THRB: variants seen among roughly 807,000 people sequenced by gnomAD.
THRB encodes the protein nuclear receptor subfamily 1 group A member 2.
THRB carries 12 observed loss-of-function variants against 47.8 expected under a neutral mutation model. The ratio of observed to expected loss-of-function variants is 0.25; its 90% confidence interval spans 0.16 to 0.41. The LOEUF (loss-of-function observed/expected upper bound fraction) is 0.41. Ranked by LOEUF, THRB falls within the 10% of genes least tolerant of loss-of-function variation. The probability of loss-of-function intolerance (pLI) is 1.00; values close to 1 mark genes in which losing one functional copy is unlikely to be tolerated. For synonymous variants in THRB, 218 were observed against 212.2 expected (o/e 1.03, Z -0.24); for missense variants, 348 against 589.2 (o/e 0.59, Z 4.24).
At chr3:24,199,475 T>C (rs1435564508) in intron 4 of THRB, among the ~76,000 whole-genome samples, 1 of 152,148 alleles carries the variant, frequency 6.6e-6, no homozygotes, top group Non-Finnish European at 1.5e-5. Flanking sequence ...TTCTCCTATT[T>C]CATTGGTGGG....
chr3:24,241,261 C>G (rs780205500), intron 3 of THRB, among the ~76,000 whole-genome samples: 2 of 152,140 alleles, frequency 1.3e-5, no homozygotes, highest in Admixed American at 1.3e-4. Context: ...GGGGTTTTCA[C>G]GGCAGAATCA....
intron 4 of THRB, among the ~76,000 whole-genome samples, chr3:24,190,582 G>T (rs2043206486): frequency 6.6e-6 from 1 of 152,080 alleles, no homozygotes; most frequent in Non-Finnish European, 1.5e-5. Context: ...ATTAGTTCCT[G>T]CATGGCAAGG....
chr3:24,185,580 A>G (rs942633117), intron 5 of THRB, among the ~76,000 whole-genome samples: 6 of 152,150 alleles, frequency 3.9e-5, no homozygotes, highest in African/African-American at 1.4e-4. Flanking sequence ...AAGCACAGAG[A>G]CATTTCTGTG....
intron 1 of THRB, among the ~76,000 whole-genome samples, chr3:24,353,644 G>A (rs952346627): frequency 6.6e-6 from 1 of 152,030 alleles, no homozygotes; most frequent in African/African-American, 2.4e-5. Flanking sequence ...AGGTTAATCT[G>A]TTTTATCATT....
chr3:24,237,825 G>A (rs561698919), intron 3 of THRB, among the ~76,000 whole-genome samples: 1 of 152,264 alleles, frequency 6.6e-6, no homozygotes, highest in Non-Finnish European at 1.5e-5. Flanking sequence ...GGCAGAGGTG[G>A]AATGGGCCTT....
At chr3:24,347,558 A>T (rs992847521) in intron 1 of THRB, among the ~76,000 whole-genome samples, 3 of 151,256 alleles carry the variant, frequency 2.0e-5, no homozygotes, top group African/African-American at 7.2e-5. Context: ...AAAATAATAA[A>T]TAATAAAAAA....
chr3:24,366,385 A>G (rs914518702), intron 1 of THRB, among the ~76,000 whole-genome samples: 1 of 152,132 alleles, frequency 6.6e-6, no homozygotes, highest in Non-Finnish European at 1.5e-5. Flanking sequence ...CCATGCTTCC[A>G]GGCAGTCATG....
chr3:24,152,375 AC>A lies in THRB; in HGVS notation c.384+14del. 1 of 1,532,904 alleles carries A rather than the reference AC, an allele frequency of 6.5e-7. No homozygotes were observed. The highest frequency in any genetic ancestry group is 9.0e-7 in the Non-Finnish European group (1 of 1,106,238). 95.0% of individuals were successfully genotyped at this position (1,532,904 alleles called of 1,614,324 possible). A position where few individuals can be genotyped will look rare whatever the true frequency, so the allele number is the denominator to read the frequency against. ...GCTGGGCTAAGCTCTGTGCTTGTGG[AC>A]CCAGGGCAATTACCTTGCAGCCTTC... is the stretch of plus-strand genomic sequence containing the variant. On this transcript the variant is annotated intron_variant, in intron 6 of 10. Coordinates refer to ENST00000646209, the MANE Select transcript of THRB (RefSeq NM_001354712.2).
chr3:24,218,622 A>G (rs576401923), intron 4 of THRB, among the ~76,000 whole-genome samples: 1 of 152,154 alleles, frequency 6.6e-6, no homozygotes, highest in South Asian at 2.1e-4. Flanking sequence ...AGTATCTACT[A>G]TGTGCCAGGT....
chr3:24,350,862 T>C (rs974784082), intron 1 of THRB, among the ~76,000 whole-genome samples: 2 of 152,156 alleles, frequency 1.3e-5, no homozygotes, highest in African/African-American at 4.8e-5. Flanking sequence ...TACTTTTTTT[T>C]CTACTTAGCA....
intron 1 of THRB, among the ~76,000 whole-genome samples, chr3:24,446,965 T>A (rs2072150814): frequency 6.6e-6 from 1 of 152,202 alleles, no homozygotes; most frequent in Non-Finnish European, 1.5e-5. Flanking sequence ...AGATAGTTGT[T>A]GTCCTTGCAA....
chr3:24,229,163 T>C (rs1392938207), intron 3 of THRB, among the ~76,000 whole-genome samples, 162 bp from the exon 4 acceptor site: 3 of 152,214 alleles, frequency 2.0e-5, no homozygotes, highest in Admixed American at 2.0e-4. Flanking sequence ...ATGTGATATG[T>C]GTAAATTTGT....
At chr3:24,323,842 A>G (rs942888213) in intron 2 of THRB, among the ~76,000 whole-genome samples, 1 of 152,246 alleles carries the variant, frequency 6.6e-6, no homozygotes, top group Non-Finnish European at 1.5e-5. Flanking sequence ...CAAACTTACT[A>G]TCTAATAGTT....
At chr3:24,362,512 C>T (rs1209105539) in intron 1 of THRB, among the ~76,000 whole-genome samples, 2 of 152,104 alleles carry the variant, frequency 1.3e-5, no homozygotes, top group Non-Finnish European at 2.9e-5. Flanking sequence ...TTTTTTCTCT[C>T]CATAGCACTT....
chr3:24,483,463 C>T (rs911327943), intron 1 of THRB, among the ~76,000 whole-genome samples: 2 of 151,492 alleles, frequency 1.3e-5, no homozygotes, highest in African/African-American at 4.9e-5. Context: ...CTGGCCTTTG[C>T]TTTCTGACAT....
intron 3 of THRB, among the ~76,000 whole-genome samples, chr3:24,249,691 C>T (rs2050467622): frequency 6.6e-6 from 1 of 152,108 alleles, no homozygotes; most frequent in Admixed American, 6.5e-5. Flanking sequence ...TGAGCTGGCT[C>T]CAGGAGTGAG....
At chr3:24,211,496 C>CA (rs2149858823) in intron 4 of THRB, among the ~76,000 whole-genome samples, 1 of 152,278 alleles carries the variant, frequency 6.6e-6, no homozygotes, top group East Asian at 1.9e-4. Flanking sequence ...AATGTCCTGT[C>CA]ACCGTAAACC....
chr3:24,176,097 G>A (rs1473631107), intron 5 of THRB, among the ~76,000 whole-genome samples: 2 of 151,970 alleles, frequency 1.3e-5, no homozygotes, highest in Non-Finnish European at 2.9e-5. Flanking sequence ...TTAATTTAAT[G>A]TCACATTGTA....
At chr3:24,217,025 C>T (rs903223020) in intron 4 of THRB, among the ~76,000 whole-genome samples, 8 of 150,788 alleles carry the variant, frequency 5.3e-5, no homozygotes, top group Non-Finnish European at 1.2e-4. Context: ...AGTCCTTGTA[C>T]CCCAGTTTTC....
Sources: allele counts gnomAD v4.1 joint callset (sites outside exome capture counted in the v4.1 genomes callset), GRCh38; gene constraint gnomAD v4.1.1; transcripts MANE v1.5; gene names NCBI Gene and HGNC (gene_info 2026-07-23, HGNC 2026-07-21).